The following MAGI3 variants were observed in gnomAD, a reference collection of about 807,000 sequenced individuals.
MAGI3 encodes membrane associated guanylate kinase, WW and PDZ domain containing 3.
A neutral mutation model predicts 121.8 loss-of-function variants in MAGI3; 43 were observed. The ratio of observed to expected loss-of-function variants is 0.35; its 90% CI spans 0.28 to 0.46. MAGI3 has a LOEUF of 0.46. Ranked by LOEUF, MAGI3 falls within the 20% of genes least tolerant of loss-of-function variation. The pLI is 1.00. For synonymous variants in MAGI3, 553 were observed against 639.3 expected (o/e 0.86, Z 2.04); for missense variants, 1,547 against 1,797.3 (o/e 0.86, Z 2.52).
In MAGI3 at chr1:113,455,104, G is replaced by A. The variant is rs79035419; in HGVS notation, c.316+63755G>A. 1.7e-3 allele frequency among the ~76,000 whole-genome samples: 257 copies of A among 152,004 alleles called. 2 individuals carry two copies. The highest frequency in any genetic ancestry group is 5.8e-3 in the African/African-American group (240 of 41,458). ...GGTAGAAATAAAAAAATAAGCTGGA[G>A]GAAGGAAATAATAAAAATGACATAG... is the stretch of plus-strand genomic sequence containing the variant. On this transcript the variant is annotated intron_variant, in intron 1 of 20. Coordinates refer to ENST00000307546, the MANE Select transcript of MAGI3 (RefSeq NM_001142782.2).
intron 1 of MAGI3, among the ~76,000 whole-genome samples, chr1:113,497,067 G>A (rs1656952060): frequency 6.6e-6 from 1 of 152,194 alleles, no homozygotes; most frequent in Admixed American, 6.5e-5. Context: ...AGACCAACCT[G>A]GGCAACGTGG....
intron 1 of MAGI3, among the ~76,000 whole-genome samples, chr1:113,511,512 G>A (rs1173026103): frequency 2.0e-5 from 3 of 152,228 alleles, no homozygotes; most frequent in Non-Finnish European, 4.4e-5. Flanking sequence ...GGTCACAAGA[G>A]CACACCGAGC....
chr1:113,624,978 A>G (rs148526109), intron 9 of MAGI3, among the ~76,000 whole-genome samples: 47 of 152,250 alleles, frequency 3.1e-4, no homozygotes, highest in Non-Finnish European at 6.3e-4. Flanking sequence ...TCTCCAATGT[A>G]TGTTCTTGGC....
chr1:113,464,793 T>C (rs753076858), intron 1 of MAGI3, among the ~76,000 whole-genome samples: 1 of 152,194 alleles, frequency 6.6e-6, no homozygotes, highest in Non-Finnish European at 1.5e-5. Context: ...ATTTGTATGT[T>C]TTATTTTCGG....
chr1:113,541,133 A>G (rs772605296), intron 1 of MAGI3, among the ~76,000 whole-genome samples: 1 of 152,118 alleles, frequency 6.6e-6, no homozygotes, highest in African/African-American at 2.4e-5. Flanking sequence ...AGAAAAGAAA[A>G]CCTTTCTGGG....
At chr1:113,416,373 A>C (rs1170642873) in intron 1 of MAGI3, among the ~76,000 whole-genome samples, 5 of 109,590 alleles carry the variant, frequency 4.6e-5, no homozygotes, top group East Asian at 2.3e-4. Context: ...TATTATATTA[A>C]TATATTAATA....
At position 113,416,061 on chromosome 1, in the gene MAGI3, T is replaced by C. The variant is rs1296832019; in HGVS notation, c.316+24712T>C. Among the ~76,000 whole-genome samples, 24 of 149,008 alleles carry C rather than the reference T, an allele frequency of 1.6e-4. 2 individuals are homozygous for C. Among genetic ancestry groups the C allele is most frequent in the South Asian group, 1.5e-3 (7 of 4,766 alleles). ...TTAATTATGTAATTAATGACACATA[T>C]TAATTATGTAATTAATGACACATAT... On this transcript the variant is annotated intron_variant, in intron 1 of 20. Transcript: ENST00000307546.
chr1:113,506,349 G>A (rs1378416825), intron 1 of MAGI3, among the ~76,000 whole-genome samples: 1 of 151,892 alleles, frequency 6.6e-6, no homozygotes, highest in Non-Finnish European at 1.5e-5. Flanking sequence ...AAGGAGGTTA[G>A]TGGTTAAAAC....
chr1:113,416,374 T>G (rs1371893175), intron 1 of MAGI3, among the ~76,000 whole-genome samples: 1 of 113,218 alleles, frequency 8.8e-6, no homozygotes, highest in African/African-American at 3.4e-5. Context: ...ATTATATTAA[T>G]ATATTAATAA....
At chr1:113,666,700 G>A (rs546601712) in intron 16 of MAGI3, among the ~76,000 whole-genome samples, 6 of 152,034 alleles carry the variant, frequency 3.9e-5, no homozygotes, top group Non-Finnish European at 7.4e-5. Flanking sequence ...TCTTAATGTC[G>A]TCTAGAAACC....
intron 6 of MAGI3, among the ~76,000 whole-genome samples, chr1:113,599,424 C>T (rs1649226507): frequency 6.6e-6 from 1 of 152,204 alleles, no homozygotes; most frequent in Non-Finnish European, 1.5e-5. Context: ...AAACTACTAT[C>T]AGAGAATACT....
At chr1:113,530,422 A>G (rs1658653697) in intron 1 of MAGI3, among the ~76,000 whole-genome samples, 1 of 151,900 alleles carries the variant, frequency 6.6e-6, no homozygotes, top group Non-Finnish European at 1.5e-5. Context: ...CACAAACGGG[A>G]ACAACAGACA....
intron 9 of MAGI3, among the ~76,000 whole-genome samples, chr1:113,637,326 G>C (rs1223285075): frequency 3.9e-5 from 6 of 152,124 alleles, no homozygotes; most frequent in Admixed American, 3.9e-4. Flanking sequence ...TCCTAGCCTC[G>C]ATGGTCTTTA....
At chr1:113,540,971 A>G (rs1262995406) in intron 1 of MAGI3, among the ~76,000 whole-genome samples, 2 of 152,230 alleles carry the variant, frequency 1.3e-5, no homozygotes, top group East Asian at 1.9e-4. Flanking sequence ...TTAGTTTGGT[A>G]GAGCTCATGG....
chr1:113,634,147 G>C (rs1412590869), intron 9 of MAGI3, among the ~76,000 whole-genome samples: 1 of 152,184 alleles, frequency 6.6e-6, no homozygotes, highest in East Asian at 1.9e-4. Context: ...CCCTTCGTCA[G>C]ATGAGTAGAT....
At chr1:113,556,457 G>C (rs1659996780) in intron 2 of MAGI3, among the ~76,000 whole-genome samples, 1 of 151,810 alleles carries the variant, frequency 6.6e-6, no homozygotes, top group South Asian at 2.1e-4. Context: ...CAAATAGTGA[G>C]ACTCTGTCAC....
chr1:113,560,419 A>T (rs1386693792), intron 2 of MAGI3, among the ~76,000 whole-genome samples: 1 of 151,880 alleles, frequency 6.6e-6, no homozygotes, highest in East Asian at 1.9e-4. Context: ...AAAACCAAAA[A>T]AACAATAAAA....
chr1:113,457,414 C>T (rs555153081), intron 1 of MAGI3, among the ~76,000 whole-genome samples: 20 of 152,222 alleles, frequency 1.3e-4, no homozygotes, highest in Admixed American at 3.3e-4. Context: ...TGAGATTATA[C>T]GACAGTAACA....
intron 6 of MAGI3, among the ~76,000 whole-genome samples, chr1:113,613,693 T>TA (rs1033315188): frequency 2.6e-5 from 4 of 152,254 alleles, no homozygotes; most frequent in Admixed American, 2.6e-4. Flanking sequence ...AGTGGACTTT[T>TA]AAAAAAATTC....
Sources: allele counts gnomAD v4.1 joint callset (sites outside exome capture counted in the v4.1 genomes callset), GRCh38; gene constraint gnomAD v4.1.1; transcripts MANE v1.5; gene names NCBI Gene and HGNC (gene_info 2026-07-23, HGNC 2026-07-21).